The following FBXW7 variants were observed in gnomAD, a reference collection of about 807,000 sequenced individuals.
FBXW7 encodes F-box and WD repeat domain containing 7, also known as F-box/WD repeat-containing protein 7.
FBXW7 carries 11 observed loss-of-function variants against 86.3 expected under a neutral mutation model. That is an observed-to-expected ratio of 0.13 (90% CI 0.08 to 0.21). FBXW7 has a LOEUF of 0.21. Ranked by LOEUF, FBXW7 falls within the 10% of genes least tolerant of loss-of-function variation. The pLI is 1.00. For synonymous variants in FBXW7, 313 were observed against 297.9 expected (o/e 1.05, Z -0.52); for missense variants, 488 against 847.4 (o/e 0.58, Z 5.27).
At chr4:152,467,893 A>G (rs1743600299) in intron 2 of FBXW7, among the ~76,000 whole-genome samples, 2 of 152,200 alleles carry the variant, frequency 1.3e-5, no homozygotes, top group African/African-American at 4.8e-5. Context: ...AGGAGAAAAT[A>G]TTTGCAAATC....
At chr4:152,497,849 A>G (rs1456622461) in intron 2 of FBXW7, among the ~76,000 whole-genome samples, 2 of 152,228 alleles carry the variant, frequency 1.3e-5, no homozygotes, top group African/African-American at 4.8e-5. Flanking sequence ...GAACTGCATT[A>G]TCTCTATAAA....
At position 152,322,510 on chromosome 4, in the gene FBXW7, GAA is replaced by G. The variant is rs1277668131; in HGVS notation, c.*369_*370del. 1 of 256,888 alleles carries G rather than the reference GAA, an allele frequency of 3.9e-6. No individual in the cohort carries two copies. Among genetic ancestry groups the G allele is most frequent in the Non-Finnish European group, 7.6e-6 (1 of 132,268 alleles). 15.9% of individuals were successfully genotyped at this position (256,888 alleles called of 1,614,324 possible). A position where few individuals can be genotyped will look rare whatever the true frequency, so the allele number is the denominator to read the frequency against. ...AGGTGTCTAGCTGTCAGTGGTAAAAGAACAGGCTAGCAGAATCTGTAATGATG... is the reference window on the plus strand; with the variant it reads ...AGGTGTCTAGCTGTCAGTGGTAAAAGCAGGCTAGCAGAATCTGTAATGATG... On this transcript the variant is annotated 3_prime_UTR_variant, in exon 14 of 14. Coordinates refer to ENST00000281708, the MANE Select transcript of FBXW7 (RefSeq NM_001349798.2).
At chr4:152,444,551 A>AT (rs1741201460) in intron 2 of FBXW7, among the ~76,000 whole-genome samples, 1 of 152,324 alleles carries the variant, frequency 6.6e-6, no homozygotes, top group South Asian at 2.1e-4. Flanking sequence ...AAAAGAACCA[A>AT]TTTACATTTC....
chr4:152,530,511 T>A (rs1412288160), intron 2 of FBXW7: 1 of 152,258 alleles, frequency 6.6e-6, no homozygotes, highest in Non-Finnish European at 1.5e-5. Context: ...AGATAAGAAA[T>A]GCAGGTAGTC....
intron 4 of FBXW7, among the ~76,000 whole-genome samples, chr4:152,351,820 C>T (rs970380976): frequency 2.0e-5 from 3 of 152,028 alleles, no homozygotes; most frequent in African/African-American, 7.2e-5. Context: ...CCACTAAAAG[C>T]AAACTTTATT....
chr4:152,382,944 T>C (rs1007452445), intron 4 of FBXW7, among the ~76,000 whole-genome samples: 1 of 152,072 alleles, frequency 6.6e-6, no homozygotes, highest in Non-Finnish European at 1.5e-5. Context: ...ATGAGCACTA[T>C]TTTCAAGTGT....
chr4:152,408,302 A>C (rs1427305568), intron 4 of FBXW7, among the ~76,000 whole-genome samples: 3 of 152,216 alleles, frequency 2.0e-5, no homozygotes, highest in Non-Finnish European at 4.4e-5. Context: ...AATATGTCAA[A>C]GATTCTTCAA....
chr4:152,529,676 A>G (rs926995214), intron 2 of FBXW7, among the ~76,000 whole-genome samples: 2 of 152,180 alleles, frequency 1.3e-5, no homozygotes, highest in Non-Finnish European at 2.9e-5. Context: ...TTAAAAATAT[A>G]GCAATGCTGG....
At position 152,332,509 on chromosome 4, in the gene FBXW7, A is replaced by G. The variant is rs1729657535; in HGVS notation, c.985+87T>C. The G allele has an allele frequency of 4.7e-6, 6 of 1,274,964 alleles. No homozygotes were observed. The South Asian group carries it at 9.1e-5, about 19-fold the overall frequency. The allele number at this position is 1,274,964 out of a possible 1,614,324, so 79.0% of individuals were successfully genotyped here. On this transcript the variant is annotated intron_variant, in intron 8 of 13. Coordinates refer to ENST00000281708, the MANE Select transcript of FBXW7 (RefSeq NM_001349798.2). ...TGTGGATTTTATCATAAGTAGCTGA[A>G]TATTATTTTTATTTTTTCTACTTGT...
At chr4:152,414,317 C>G (rs181021207) in intron 2 of FBXW7, among the ~76,000 whole-genome samples, 118 of 152,090 alleles carry the variant, frequency 7.8e-4, no homozygotes, top group African/African-American at 2.8e-3. Context: ...CAAAAAGCAC[C>G]AAAATGAGGA....
At chr4:152,439,019 T>TA (rs1740635342) in intron 2 of FBXW7, among the ~76,000 whole-genome samples, 3 of 152,182 alleles carry the variant, frequency 2.0e-5, no homozygotes, top group Admixed American at 1.3e-4. Flanking sequence ...TTCCCCAGCA[T>TA]AGTAAAGTTT....
intron 4 of FBXW7, among the ~76,000 whole-genome samples, chr4:152,408,502 A>C (rs189903368): frequency 2.0e-3 from 307 of 152,280 alleles, no homozygotes; most frequent in Non-Finnish European, 3.3e-3. Flanking sequence ...CCTCTATAAA[A>C]TTTTTTAACA....
chr4:152,438,405 C>T (rs946516299), intron 2 of FBXW7, among the ~76,000 whole-genome samples: 1 of 152,026 alleles, frequency 6.6e-6, no homozygotes, highest in African/African-American at 2.4e-5. Context: ...TGGCCAGGCA[C>T]GGTGGCTCAT....
intron 4 of FBXW7, among the ~76,000 whole-genome samples, chr4:152,384,031 A>G (rs1735316242): frequency 6.6e-6 from 1 of 152,176 alleles, no homozygotes; most frequent in East Asian, 1.9e-4. Flanking sequence ...AACAACAAGC[A>G]TGGGCTAGGA....
chr4:152,372,057 G>A (rs1446078178), intron 4 of FBXW7, among the ~76,000 whole-genome samples: 3 of 151,836 alleles, frequency 2.0e-5, no homozygotes, highest in African/African-American at 7.3e-5. Context: ...AAATGTGGTT[G>A]AGGTTCTCTA....
chr4:152,508,232 C>G (rs183247056), intron 2 of FBXW7, among the ~76,000 whole-genome samples: 38 of 152,014 alleles, frequency 2.5e-4, no homozygotes, highest in African/African-American at 8.4e-4. Flanking sequence ...ATCTGTAAGT[C>G]CATCTGATAT....
intron 2 of FBXW7, among the ~76,000 whole-genome samples, chr4:152,452,568 T>C (rs528861635): frequency 6.6e-6 from 1 of 152,302 alleles, no homozygotes; most frequent in Non-Finnish European, 1.5e-5. Flanking sequence ...TTTTAAGTAG[T>C]AGAACAACTA....
chr4:152,347,896 ACTTTC>A (rs1731423018), intron 5 of FBXW7, among the ~76,000 whole-genome samples: 1 of 152,074 alleles, frequency 6.6e-6, no homozygotes, highest in Non-Finnish European at 1.5e-5. Flanking sequence ...AACGTATTAA[ACTTTC>A]CTTTCTAATT....
chr4:152,509,341 A>G (rs544989525), intron 2 of FBXW7, among the ~76,000 whole-genome samples: 7 of 152,276 alleles, frequency 4.6e-5, no homozygotes, highest in African/African-American at 1.4e-4. Flanking sequence ...TTTACCCTTT[A>G]TACTATTTTT....
Sources: gnomAD v4.1 joint callset for allele counts (sites outside exome capture counted in the v4.1 genomes callset) on GRCh38, gnomAD v4.1.1 for gene constraint, MANE v1.5 for transcripts, NCBI Gene and HGNC (gene_info 2026-07-23, HGNC 2026-07-21) for gene names.